ADCY3: variants seen among roughly 807,000 people sequenced by gnomAD.
ADCY3 encodes adenylate cyclase type 3.
In ADCY3, 70 loss-of-function variants were observed where a neutral mutation model predicts 119.4. That is an observed-to-expected ratio of 0.59 (90% CI 0.48 to 0.72). ADCY3 has a LOEUF of 0.72. Among genes scored for constraint, ADCY3 ranks in the 30% least tolerant of loss-of-function variants. The probability of loss-of-function intolerance (pLI) is 0.00; values close to 1 mark genes in which losing one functional copy is unlikely to be tolerated. For synonymous variants in ADCY3, 672 were observed against 621.4 expected (o/e 1.08, Z -1.21); for missense variants, 1,238 against 1,541.6 (o/e 0.80, Z 3.30).
rs1377327779 is a variant in ADCY3, at chr2:24,872,772, G to A, written c.676-53C>T. 1 of 1,587,962 alleles carries A rather than the reference G, an allele frequency of 6.3e-7. No homozygotes were observed. The highest frequency in any genetic ancestry group is 8.6e-7 in the Non-Finnish European group (1 of 1,162,228). On this transcript the variant is annotated intron_variant, in intron 2 of 21. Transcript: ENST00000679454. This position sits in a 1 kb window ranked among gnomAD's most constrained non-coding sequence, Gnocchi z 4.4. ...GGCCAGGGGTGAAGGCACGTCTTCA[G>A]AAAAGGGGATGGAGAAGGGGATGGA...
chr2:24,859,680 G>A (rs762127094), intron 3 of ADCY3, among the ~76,000 whole-genome samples: 6 of 152,226 alleles, frequency 3.9e-5, no homozygotes, highest in African/African-American at 7.2e-5. Flanking sequence ...GGGGCCTGAC[G>A]CTTGTGGTCA....
intron 2 of ADCY3, among the ~76,000 whole-genome samples, chr2:24,906,603 C>T (rs1321628780): frequency 1.3e-5 from 2 of 152,346 alleles, no homozygotes; most frequent in East Asian, 1.9e-4. Context: ...GGTCGGCCCC[C>T]AGCCCCACGT....
At position 24,918,580 on chromosome 2, in the gene ADCY3, G is replaced by A; in HGVS notation, c.408C>T (p.Arg136=). The A allele has an allele frequency of 6.2e-7, 1 of 1,614,160 alleles. No individual in the cohort carries two copies. Among genetic ancestry groups the A allele is most frequent in the Middle Eastern group, 1.6e-4 (1 of 6,062 alleles). ...KKGLLPDRVT[R]RVLPYVLWLL... ...GCCACAGCACGTAGGGCAGCACTCT[G>A]CGGGTGACCCGGTCCGGGAGCAGCC... is the stretch of plus-strand genomic sequence containing the variant. The change falls in exon 2 of 22, where the codon CGC becomes CGT. Residue 136 remains arginine (R), a synonymous_variant. Transcript: ENST00000679454. This position sits in a 1 kb window ranked among gnomAD's most constrained non-coding sequence, Gnocchi z 5.4.
At chr2:24,904,177 GAGAA>G (rs1558519394) in intron 2 of ADCY3, among the ~76,000 whole-genome samples, 3 of 152,062 alleles carry the variant, frequency 2.0e-5, no homozygotes, top group African/African-American at 4.8e-5. Context: ...GAGAGAGAGA[GAGAA>G]AGAAAGAGAG....
intron 16 of ADCY3, among the ~76,000 whole-genome samples, chr2:24,824,921 A>G (rs1668370144): frequency 6.6e-6 from 1 of 152,188 alleles, no homozygotes; most frequent in South Asian, 2.1e-4. Context: ...ACGTGAATGG[A>G]GGAACTCCCC....
chr2:24,901,364 A>G (rs957241810), intron 2 of ADCY3, among the ~76,000 whole-genome samples: 2 of 152,248 alleles, frequency 1.3e-5, no homozygotes, highest in African/African-American at 4.8e-5. Context: ...TTATATTTAC[A>G]TAACTTAATT....
Position 24,834,417 on chromosome 2 carries a change from G to GCCCCCCCCCCCC in ADCY3, c.1967+67_1967+68insGGGGGGGGGGGG. On this transcript the variant is annotated intron_variant, in intron 11 of 21. Coordinates refer to ENST00000679454, the MANE Select transcript of ADCY3 (RefSeq NM_004036.5). The surrounding 1 kb of genome is among the most constrained non-coding windows in gnomAD (Gnocchi z 4.2). ...ATGTCAGGCTCCCGCTGAGACACCT[G>GCCCCCCCCCCCC]CCCCCGCCCCCCGCCCGGCACCACC... The GCCCCCCCCCCCC allele has an allele frequency of 2.1e-6, 3 of 1,395,354 alleles. No homozygotes were observed. The highest frequency in any genetic ancestry group is 2.4e-5 in the East Asian group (1 of 41,314). 86.4% of individuals were successfully genotyped at this position (1,395,354 alleles called of 1,614,324 possible). A position where few individuals can be genotyped will look rare whatever the true frequency, so the allele number is the denominator to read the frequency against.
intron 2 of ADCY3, among the ~76,000 whole-genome samples, chr2:24,883,282 A>T (rs1163794693): frequency 6.6e-6 from 1 of 152,144 alleles, no homozygotes; most frequent in African/African-American, 2.4e-5. Context: ...CGGGAGTCGG[A>T]GGTTGCAGTG....
chr2:24,835,625 A>G (rs1217148906), intron 9 of ADCY3, among the ~76,000 whole-genome samples: 2 of 152,154 alleles, frequency 1.3e-5, no homozygotes, highest in Non-Finnish European at 2.9e-5. Flanking sequence ...TCAACAGTGC[A>G]TCTGGGAGCC....
At chr2:24,820,167 A>C in intron 21 of ADCY3, 53 bp from the exon 22 acceptor site, 280 of 528,948 alleles carry the variant, frequency 5.3e-4, no homozygotes, top group Non-Finnish European at 7.7e-4. Flanking sequence ...GCCTAGACTG[A>C]GGGCGGGTGG....
intron 13 of ADCY3, among the ~76,000 whole-genome samples, chr2:24,830,084 A>G (rs1297387397): frequency 1.8e-5 from 2 of 110,724 alleles, no homozygotes; most frequent in African/African-American, 7.2e-5. Flanking sequence ...GCTGTCGCCT[A>G]GGCTGGAGTG....
intron 2 of ADCY3, among the ~76,000 whole-genome samples, chr2:24,911,283 T>C (rs1209187656): frequency 6.9e-6 from 1 of 144,968 alleles, no homozygotes; most frequent in Non-Finnish European, 1.5e-5. Flanking sequence ...TGGGGTGGTA[T>C]GATCAGAGCT....
Position 24,819,845 on chromosome 2 carries a change from A to C in ADCY3, c.*87T>G, listed in dbSNP as rs1425184024. The C allele has an allele frequency of 1.4e-6, 2 of 1,394,536 alleles. No homozygotes were observed. Among genetic ancestry groups the C allele is most frequent in the East Asian group, 2.4e-5 (1 of 41,324 alleles). The allele number at this position is 1,394,536 out of a possible 1,614,324, so 86.4% of individuals were successfully genotyped here. A position where few individuals can be genotyped will look rare whatever the true frequency, so the allele number is the denominator to read the frequency against. On this transcript the variant is annotated 3_prime_UTR_variant, in exon 22 of 22. Transcript: ENST00000679454. ...CTAAACCTAAAGTCCATGAGTGTGC[A>C]CTTCAATCCAGGAAGGTCGGGACTT...
chr2:24,863,332 C>T (rs1673907489), intron 3 of ADCY3, among the ~76,000 whole-genome samples: 1 of 152,138 alleles, frequency 6.6e-6, no homozygotes, highest in African/African-American at 2.4e-5. Flanking sequence ...GCCTAGCCTC[C>T]ATACAGCCTA....
In ADCY3 at chr2:24,865,499, G is replaced by C. The variant is rs879706350; in HGVS notation, c.825+7071C>G. ...TGAATAGGCTATCATCTGTGTGTGTGTGTGTGTGTGTGTGTGTGTGTGTGT... is the reference window on the plus strand; with the variant it reads ...TGAATAGGCTATCATCTGTGTGTGTCTGTGTGTGTGTGTGTGTGTGTGTGT... On this transcript the variant is annotated intron_variant, in intron 3 of 21. Coordinates refer to ENST00000679454, the MANE Select transcript of ADCY3 (RefSeq NM_004036.5). 6.4e-3 allele frequency among the ~76,000 whole-genome samples: 883 copies of C among 137,118 alleles called. 13 individuals carry two copies. The highest frequency in any genetic ancestry group is 0.028 in the African/African-American group (813 of 28,916). 90.0% of individuals were successfully genotyped at this position (137,118 alleles called of 152,430 possible). A position where few individuals can be genotyped will look rare whatever the true frequency, so the allele number is the denominator to read the frequency against.
At chr2:24,903,645 G>A (rs1159985739) in intron 2 of ADCY3, among the ~76,000 whole-genome samples, 3 of 152,142 alleles carry the variant, frequency 2.0e-5, no homozygotes, top group Non-Finnish European at 4.4e-5. Flanking sequence ...AGTCCTCAGA[G>A]AGTCATCAGA....
At chr2:24,847,519 G>A (rs374295573) in intron 3 of ADCY3, among the ~76,000 whole-genome samples, 7 of 152,114 alleles carry the variant, frequency 4.6e-5, no homozygotes, top group South Asian at 2.1e-4. Context: ...TGGCTCCACC[G>A]AAGCCTGGGA....
chr2:24,863,365 C>T (rs2148743802), intron 3 of ADCY3, among the ~76,000 whole-genome samples: 1 of 152,316 alleles, frequency 6.6e-6, no homozygotes, highest in South Asian at 2.1e-4. Flanking sequence ...GTGCTGGATG[C>T]ATCCAGCTCT....
At chr2:24,861,260 A>AG (rs1481292211) in intron 3 of ADCY3, among the ~76,000 whole-genome samples, 2 of 152,032 alleles carry the variant, frequency 1.3e-5, no homozygotes, top group Non-Finnish European at 2.9e-5. Flanking sequence ...CAAAAAAAAA[A>AG]AAAAAAAAAG....
Sources: gnomAD v4.1 joint callset for allele counts (sites outside exome capture counted in the v4.1 genomes callset) on GRCh38, gnomAD v4.1.1 for gene constraint, Gnocchi (gnomAD v3.1) non-coding constraint, MANE v1.5 for transcripts, NCBI Gene and HGNC (gene_info 2026-07-23, HGNC 2026-07-21) for gene names.